SLC39A11: variants seen among roughly 807,000 people sequenced by gnomAD.
SLC39A11 encodes solute carrier family 39 member 11.
A neutral mutation model predicts 36.1 loss-of-function variants in SLC39A11; 33 were observed. That is an observed-to-expected ratio of 0.91 (90% CI 0.69 to 1.22). The LOEUF (loss-of-function observed/expected upper bound fraction) is 1.22. SLC39A11 is among the 50% of genes most tolerant of loss of function. SLC39A11 has a pLI of 0.00. For synonymous variants in SLC39A11, 166 were observed against 170.3 expected, an observed-to-expected ratio of 0.97 and a Z score of 0.20; for missense variants, 432 against 430.3, an observed-to-expected ratio of 1.00 and a Z score of -0.03.
At chr17:72,874,335 C>T (rs933346305) in intron 5 of SLC39A11, among the ~76,000 whole-genome samples, 11 of 152,100 alleles carry the variant, frequency 7.2e-5, no homozygotes, top group East Asian at 3.9e-4. Context: ...GTTTCCTGCC[C>T]GATGTAGAAC....
chr17:72,891,176 C>G (rs2146721238), intron 5 of SLC39A11, among the ~76,000 whole-genome samples: 1 of 152,268 alleles, frequency 6.6e-6, no homozygotes, highest in Non-Finnish European at 1.5e-5. Flanking sequence ...AATCCCAGCA[C>G]TTTGGGAGGC....
intron 3 of SLC39A11, among the ~76,000 whole-genome samples, chr17:73,035,916 A>G (rs1357557888): frequency 6.6e-6 from 1 of 151,196 alleles, no homozygotes; most frequent in African/African-American, 2.4e-5. Context: ...AGAAAATATG[A>G]TAACAAAAGC....
At chr17:73,061,001 A>G (rs748845127) in intron 3 of SLC39A11, among the ~76,000 whole-genome samples, 1 of 152,196 alleles carries the variant, frequency 6.6e-6, no homozygotes, top group Non-Finnish European at 1.5e-5. Context: ...AAGGAGGCTC[A>G]CGGAAAAGAT....
rs386386576 is a variant in SLC39A11 at position 72,985,407 on chromosome 17, C to CTTTTTTTTTTT, written c.307-37543_307-37533dup. On this transcript the variant is annotated intron_variant, in intron 4 of 9. Transcript: ENST00000255559. ...CCTTCTTTATTTGCATGGGGCCTGC[C>CTTTTTTTTTTT]TTTTTTTTTTTTTTTTTTTTTTTGA... 2.7e-4 allele frequency among the ~76,000 whole-genome samples: 21 copies of CTTTTTTTTTTT among 78,932 alleles called. 1 individual carries two copies. The highest frequency in any genetic ancestry group is 4.4e-4 in the Non-Finnish European group (19 of 42,950). 51.8% of individuals were successfully genotyped at this position (78,932 alleles called of 152,430 possible).
chr17:72,720,102 C>A (rs752463016), intron 7 of SLC39A11, among the ~76,000 whole-genome samples: 2 of 152,134 alleles, frequency 1.3e-5, no homozygotes, highest in Non-Finnish European at 2.9e-5. Flanking sequence ...GGTTCTGGGT[C>A]CCGTGCAGAG....
intron 4 of SLC39A11, among the ~76,000 whole-genome samples, chr17:73,026,639 T>G (rs749862704): frequency 3.3e-5 from 5 of 151,606 alleles, no homozygotes; most frequent in Non-Finnish European, 7.4e-5. Flanking sequence ...GGGGAAAAGA[T>G]AAAAGTAGGA....
rs140359072 is a variant in SLC39A11, at chr17:72,730,000, T to A, written c.671+6650A>T. Reference sequence around the variant, plus strand: ...GACAATGCGGTCTGAATGGCATTGATCTTAGGGTATGTATTCTGACTCTCT... The same window carrying A: ...GACAATGCGGTCTGAATGGCATTGAACTTAGGGTATGTATTCTGACTCTCT... On this transcript the variant is annotated intron_variant, in intron 7 of 9. Transcript: ENST00000255559. Among the ~76,000 whole-genome samples, 641 of 152,322 alleles carry A rather than the reference T, an allele frequency of 4.2e-3. 10 individuals carry two copies. The highest frequency in any genetic ancestry group is 0.03 in the Admixed American group (454 of 15,298).
intron 4 of SLC39A11, among the ~76,000 whole-genome samples, chr17:73,004,181 AAG>A (rs2090008901): frequency 1.3e-4 from 11 of 85,350 alleles, no homozygotes. Flanking sequence ...GAAAGAAAGA[AAG>A]AAAGAAAGAA....
intron 3 of SLC39A11, among the ~76,000 whole-genome samples, chr17:73,047,331 C>A (rs981799480): frequency 6.6e-6 from 1 of 152,174 alleles, no homozygotes. Context: ...GCAAGAAGAA[C>A]CACCTTCTGT....
intron 6 of SLC39A11, among the ~76,000 whole-genome samples, chr17:72,798,910 C>T (rs879846639): frequency 2.0e-5 from 3 of 152,022 alleles, no homozygotes; most frequent in Non-Finnish European, 4.4e-5. Context: ...GGAAGGAAGG[C>T]AGGCCCAGAT....
intron 3 of SLC39A11, among the ~76,000 whole-genome samples, chr17:73,083,082 T>C (rs1036541112): frequency 6.6e-6 from 1 of 150,380 alleles, no homozygotes; most frequent in Non-Finnish European, 1.5e-5. Flanking sequence ...ACTTTCTCCG[T>C]GCCAGCACCA....
chr17:72,937,010 T>C (rs1049039219), intron 5 of SLC39A11, among the ~76,000 whole-genome samples: 9 of 152,114 alleles, frequency 5.9e-5, no homozygotes, highest in African/African-American at 2.2e-4. Flanking sequence ...TGCCCAGGGG[T>C]TGGGGACCCT....
At chr17:72,957,905 G>A (rs907057699) in intron 4 of SLC39A11, among the ~76,000 whole-genome samples, 13 of 151,930 alleles carry the variant, frequency 8.6e-5, no homozygotes, top group Admixed American at 2.6e-4. Context: ...CAGGAGAATC[G>A]CTTGAACCTA....
At chr17:72,834,494 C>T (rs917082338) in intron 6 of SLC39A11, among the ~76,000 whole-genome samples, 1 of 152,080 alleles carries the variant, frequency 6.6e-6, no homozygotes, top group Non-Finnish European at 1.5e-5. Flanking sequence ...TGGTGACACA[C>T]GCCTGTAATT....
chr17:72,834,889 C>T (rs1426132617), intron 6 of SLC39A11, among the ~76,000 whole-genome samples: 1 of 152,344 alleles, frequency 6.6e-6, no homozygotes, highest in Middle Eastern at 3.4e-3. Context: ...TTCACTCTGG[C>T]TGTAGCTTCC....
At chr17:72,961,036 G>A (rs1351806198) in intron 4 of SLC39A11, among the ~76,000 whole-genome samples, 1 of 152,192 alleles carries the variant, frequency 6.6e-6, no homozygotes, top group Non-Finnish European at 1.5e-5. Flanking sequence ...GTGAGAGAGA[G>A]TGTGTGCACA....
At chr17:72,649,139 T>A in intron 8 of SLC39A11, 31 bp downstream of exon 8, 1 of 1,598,106 alleles carries the variant, frequency 6.3e-7, no homozygotes, top group East Asian at 2.2e-5. Flanking sequence ...GAGGATGCTG[T>A]GACATGGCCT....
intron 5 of SLC39A11, among the ~76,000 whole-genome samples, chr17:72,912,647 G>C (rs1465379155): frequency 6.6e-6 from 1 of 152,096 alleles, no homozygotes; most frequent in Non-Finnish European, 1.5e-5. Flanking sequence ...TCAGTAGGCT[G>C]ACGGAGGAGA....
chr17:73,009,351 T>A (rs576485028), intron 4 of SLC39A11, among the ~76,000 whole-genome samples: 617 of 20,822 alleles, frequency 0.03, 6 homozygotes, highest in South Asian at 0.3. Context: ...CGAGACTCCA[T>A]CTCAAAAAAA....
Sources: allele counts gnomAD v4.1 joint callset (sites outside exome capture counted in the v4.1 genomes callset), GRCh38; gene constraint gnomAD v4.1.1; transcripts MANE v1.5; gene names NCBI Gene and HGNC (gene_info 2026-07-23, HGNC 2026-07-21).